The following USP54 variants were observed in gnomAD, a reference collection of about 807,000 sequenced individuals.
USP54 encodes the protein ubiquitin carboxyl-terminal hydrolase 54.
USP54 carries 87 observed loss-of-function variants against 170.5 expected under a neutral mutation model. That is an observed-to-expected ratio of 0.51 (90% CI 0.43 to 0.61). USP54 has a LOEUF of 0.61. USP54 is among the 20% of genes least tolerant of loss of function. The pLI is 0.00. For synonymous variants in USP54, 655 were observed against 742.8 expected (o/e 0.88, Z 1.92); for missense variants, 1,786 against 2,047.8 (o/e 0.87, Z 2.47).
rs572484630 is a variant in USP54, at chr10:73,602,397, A to T, written c.-18+23170T>A. Among the ~76,000 whole-genome samples the T allele has an allele frequency of 2.6e-3, 394 of 152,002 alleles. 2 individuals carry two copies. Among genetic ancestry groups the T allele is most frequent in the Middle Eastern group, 6.8e-3 (2 of 294 alleles). On this transcript the variant is annotated intron_variant, in intron 1 of 22. Transcript: ENST00000339859. ...GAAACCCCATCTCTACTAAAATTAT[A>T]AAAAAATTAGCCGGGCGTGGTGGCG...
intron 1 of USP54, among the ~76,000 whole-genome samples, chr10:73,622,303 T>C (rs2081155557): frequency 9.4e-6 from 1 of 106,422 alleles, no homozygotes; most frequent in Non-Finnish European, 1.7e-5. Context: ...TGTTGTAATA[T>C]TTATTTATTT....
intron 1 of USP54, among the ~76,000 whole-genome samples, chr10:73,614,763 G>A (rs16930753): frequency 0.18 from 27,165 of 149,410 alleles, 5,384 homozygotes; most frequent in African/African-American, 0.43. Flanking sequence ...TTCCAAATCA[G>A]TTAAAGAGTT....
At chr10:73,546,723 C>T (rs2067924988) in intron 4 of USP54, 1 of 152,076 alleles carries the variant, frequency 6.6e-6, no homozygotes, top group Non-Finnish European at 1.5e-5. Flanking sequence ...GAGATCTATC[C>T]ATGATGATAT....
At position 73,498,667 on chromosome 10, in the gene USP54, G is replaced by A. The variant is rs771640964; in HGVS notation, c.5017C>T (p.Gln1673Ter). Residue 1673 changes from glutamine to a stop codon, truncating the protein, a stop_gained, in exon 24 of 24, where the codon CAG (glutamine) becomes TAG (stop). Coordinates refer to ENST00000687698, the MANE Select transcript of USP54 (RefSeq NM_001391956.1). LOFTEE classifies it high-confidence loss of function. Reference protein sequence around the residue: ...FVLSDAPRREQIRARVLQHSQ... With the variant: ...FVLSDAPRRE ...TGCTGCAGGACTCTAGCCCTGATCT[G>A]CTCTCTTCTGGGAGCATCTGATAGA... 7 of 1,581,752 alleles carry A rather than the reference G, an allele frequency of 4.4e-6. No individual in the cohort carries two copies. In the Admixed American group the frequency reaches 9.0e-5, roughly 20 times the overall value.
intron 1 of USP54, among the ~76,000 whole-genome samples, chr10:73,590,945 A>G (rs2078175463): frequency 6.6e-6 from 1 of 152,174 alleles, no homozygotes; most frequent in Non-Finnish European, 1.5e-5. Context: ...GGAAATTTAA[A>G]ATACTAAATC....
intron 11 of USP54, among the ~76,000 whole-genome samples, chr10:73,534,974 C>T (rs935806158): frequency 2.6e-5 from 4 of 152,184 alleles, no homozygotes; most frequent in African/African-American, 9.7e-5. Flanking sequence ...CCTCCCATCC[C>T]TTTCCCTACC....
intron 5 of USP54, among the ~76,000 whole-genome samples, chr10:73,544,581 T>C (rs890649702): frequency 1.3e-5 from 2 of 152,246 alleles, no homozygotes; most frequent in Non-Finnish European, 2.9e-5. Context: ...GCCAAACTGT[T>C]TTCCAGAGTA....
At chr10:73,615,700 C>G (rs1024248775) in intron 1 of USP54, among the ~76,000 whole-genome samples, 5 of 148,416 alleles carry the variant, frequency 3.4e-5, no homozygotes, top group Non-Finnish European at 3.0e-5. Context: ...GCAGGCAGAT[C>G]GCTTGAGGTC....
chr10:73,525,682 T>C (rs1319626080), intron 16 of USP54, among the ~76,000 whole-genome samples: 1 of 152,256 alleles, frequency 6.6e-6, no homozygotes, highest in Non-Finnish European at 1.5e-5. Context: ...GAAGCCCAAA[T>C]GTCTTCCACG....
chr10:73,575,446 T>A, intron 3 of USP54, 66 bp downstream of exon 3: 1 of 1,461,654 alleles, frequency 6.8e-7, no homozygotes, highest in Non-Finnish European at 9.1e-7. Context: ...TTAAAAAGAG[T>A]TATCAGAAAT....
chr10:73,523,082 T>C (rs531089878), intron 17 of USP54, among the ~76,000 whole-genome samples: 2 of 152,326 alleles, frequency 1.3e-5, no homozygotes, highest in South Asian at 4.1e-4. Context: ...CATGGGGCAG[T>C]TGTGGAAGTA....
chr10:73,620,050 C>A (rs1484890321), intron 1 of USP54, among the ~76,000 whole-genome samples: 1 of 150,408 alleles, frequency 6.6e-6, no homozygotes, highest in Non-Finnish European at 1.5e-5. Context: ...CAGTGGGTCA[C>A]ACCTGTAATC....
At chr10:73,589,220 T>C (rs1408158779) in intron 1 of USP54, among the ~76,000 whole-genome samples, 1 of 152,236 alleles carries the variant, frequency 6.6e-6, no homozygotes, top group Non-Finnish European at 1.5e-5. Context: ...ATAACTCAGT[T>C]ACAGGCATAA....
upstream of USP54, among the ~76,000 whole-genome samples, chr10:73,593,375 TCA>T (rs2078450814): frequency 1.1e-5 from 1 of 87,352 alleles, no homozygotes. Flanking sequence ...AGACCCTGTC[TCA>T]AAAAAAAAAA....
chr10:73,603,897 G>T (rs1249227342), intron 1 of USP54, among the ~76,000 whole-genome samples: 1 of 151,910 alleles, frequency 6.6e-6, no homozygotes, highest in Non-Finnish European at 1.5e-5. Context: ...TAATCATTAG[G>T]GAAAATAAAT....
Position 73,529,859 on chromosome 10 carries a change from T to C in USP54, c.1881A>G (p.Lys627=), listed in dbSNP as rs142868468. The stretch of plus-strand genomic sequence containing the variant: ...TGTACTGGGGGCTTGGTCCACCAAA[T>C]TTAATGTCGTAAGAAGGTGGCTTGC... ...EPSKPPSYDI[K]FGGPSPQYKR... is the part of the protein sequence containing the mutation. The change falls in exon 15 of 24, where the codon AAA becomes AAG. Residue 627 remains lysine, a synonymous_variant. Transcript: ENST00000687698. The C allele has an allele frequency of 1.0e-5, 16 of 1,568,256 alleles. No homozygotes were observed. Among genetic ancestry groups the C allele is most frequent in the Non-Finnish European group, 1.4e-5 (16 of 1,158,984 alleles).
At chr10:73,529,531 G>C (rs2063589141) in intron 15 of USP54, 149 bp downstream of exon 15, 2 of 832,664 alleles carry the variant, frequency 2.4e-6, no homozygotes, top group Admixed American at 1.9e-5. Context: ...TTCCAGCAGA[G>C]GGTGCTGTTG....
At chr10:73,540,667 A>G (rs1307045444) in intron 9 of USP54, among the ~76,000 whole-genome samples, 1 of 152,202 alleles carries the variant, frequency 6.6e-6, no homozygotes, top group Admixed American at 6.5e-5. Flanking sequence ...AGGCAGAATC[A>G]TTGCACACTA....
intron 1 of USP54, among the ~76,000 whole-genome samples, chr10:73,605,036 T>C: frequency 6.6e-6 from 1 of 152,032 alleles, no homozygotes; most frequent in East Asian, 1.9e-4. Flanking sequence ...GAATGATGCA[T>C]TTACAATCCT....
Sources: allele counts gnomAD v4.1 joint callset (sites outside exome capture counted in the v4.1 genomes callset), GRCh38; gene constraint gnomAD v4.1.1; transcripts MANE v1.5; gene names NCBI Gene and HGNC (gene_info 2026-07-23, HGNC 2026-07-21).